GABRB1: variants seen among roughly 807,000 people sequenced by gnomAD.
GABRB1 encodes the protein gamma-aminobutyric acid receptor subunit beta-1.
In GABRB1, 17 loss-of-function variants were observed where a neutral mutation model predicts 51.6. The ratio of observed to expected loss-of-function variants is 0.33; its 90% confidence interval spans 0.23 to 0.49. GABRB1 has a LOEUF of 0.49. GABRB1 is among the 20% of genes least tolerant of loss of function. The pLI, the probability that GABRB1 is intolerant of heterozygous loss-of-function variation, is 0.99. For synonymous variants in GABRB1, 247 were observed against 218.9 expected (o/e 1.13, Z -1.14); for missense variants, 410 against 600.6 (o/e 0.68, Z 3.32).
intron 3 of GABRB1, among the ~76,000 whole-genome samples, chr4:47,109,596 G>T (rs908827075): frequency 1.3e-5 from 2 of 152,130 alleles, no homozygotes; most frequent in South Asian, 4.2e-4. Flanking sequence ...TGTAAGGCCT[G>T]AGGTATCAGA....
At chr4:47,357,533 G>C (rs143871062) in intron 5 of GABRB1, among the ~76,000 whole-genome samples, 1 of 152,154 alleles carries the variant, frequency 6.6e-6, no homozygotes, top group African/African-American at 2.4e-5. Context: ...ATGAAGCCAG[G>C]TTCCACGAAT....
chr4:47,195,467 A>AT (rs1719643349), intron 4 of GABRB1, among the ~76,000 whole-genome samples: 1 of 82,012 alleles, frequency 1.2e-5, no homozygotes, highest in Non-Finnish European at 2.6e-5. Flanking sequence ...TAGATGATAG[A>AT]TAGATAGATA....
intron 4 of GABRB1, among the ~76,000 whole-genome samples, chr4:47,306,488 A>G (rs1417081778): frequency 6.6e-6 from 1 of 151,116 alleles, no homozygotes; most frequent in Admixed American, 6.6e-5. Context: ...GGGAGAGAAA[A>G]AGGAAGAAAG....
At chr4:47,174,309 C>T (rs1324565535) in intron 4 of GABRB1, among the ~76,000 whole-genome samples, 2 of 152,166 alleles carry the variant, frequency 1.3e-5, no homozygotes, top group African/African-American at 4.8e-5. Context: ...TCAAGCAACC[C>T]TCCCTCCTGG....
At chr4:47,412,446 C>G (rs530727213) in intron 8 of GABRB1, among the ~76,000 whole-genome samples, 1 of 152,262 alleles carries the variant, frequency 6.6e-6, no homozygotes, top group South Asian at 2.1e-4. Flanking sequence ...CTGCTCCAGA[C>G]TGTCTTACTG....
chr4:47,034,740 A>C (rs1725477607), intron 3 of GABRB1, among the ~76,000 whole-genome samples: 1 of 152,186 alleles, frequency 6.6e-6, no homozygotes, highest in Non-Finnish European at 1.5e-5. Flanking sequence ...AAAAATGGAA[A>C]TAAAGAGTAA....
chr4:47,042,441 A>AT (rs369535271), intron 3 of GABRB1, among the ~76,000 whole-genome samples: 4,993 of 116,642 alleles, frequency 0.043, 185 homozygotes, highest in African/African-American at 0.072. Flanking sequence ...TATATATATA[A>AT]AATACGTGTG....
At chr4:47,312,857 T>C (rs556304010) in intron 4 of GABRB1, among the ~76,000 whole-genome samples, 4 of 152,138 alleles carry the variant, frequency 2.6e-5, no homozygotes, top group Non-Finnish European at 5.9e-5. Flanking sequence ...CACACGTGTG[T>C]ATTTGTGTGT....
chr4:47,075,463 A>G (rs1727504662), intron 3 of GABRB1, among the ~76,000 whole-genome samples: 2 of 151,780 alleles, frequency 1.3e-5, no homozygotes, highest in African/African-American at 4.9e-5. Context: ...GTCTGTCACA[A>G]TGGGTGACTC....
chr4:47,250,350 G>A (rs899038429), intron 4 of GABRB1, among the ~76,000 whole-genome samples: 2 of 152,084 alleles, frequency 1.3e-5, no homozygotes. Flanking sequence ...TCCTTTATAG[G>A]TTACCTGGAG....
In GABRB1 at chr4:47,038,949, CT is replaced by C. The variant is rs144565200; in HGVS notation, c.240+6469del. On this transcript the variant is annotated intron_variant, in intron 3 of 8. Transcript: ENST00000295454. ...ATAAACCATATGAGCACTGAAATTCCTTTTCCCAAAATACTTCTGTTTTCAG... is the reference window on the plus strand; with the variant it reads ...ATAAACCATATGAGCACTGAAATTCCTTTCCCAAAATACTTCTGTTTTCAG... Among the ~76,000 whole-genome samples, 1,210 of 152,182 alleles carry C rather than the reference CT, an allele frequency of 8.0e-3. 7 individuals carry two copies. Among genetic ancestry groups the C allele is most frequent in the Non-Finnish European group, 0.012 (798 of 67,982 alleles).
chr4:47,147,789 G>A (rs951324783), intron 3 of GABRB1, among the ~76,000 whole-genome samples: 4 of 152,096 alleles, frequency 2.6e-5, no homozygotes, highest in Non-Finnish European at 5.9e-5. Flanking sequence ...AGCAAGACAA[G>A]AGGTATGTTG....
intron 4 of GABRB1, among the ~76,000 whole-genome samples, chr4:47,289,714 T>C (rs1723652539): frequency 6.6e-6 from 1 of 152,218 alleles, no homozygotes; most frequent in African/African-American, 2.4e-5. Context: ...TTATTGGCCT[T>C]ACCTCCCTGT....
intron 3 of GABRB1, among the ~76,000 whole-genome samples, chr4:47,052,838 G>A (rs1156771114): frequency 4.6e-5 from 7 of 152,206 alleles, no homozygotes; most frequent in African/African-American, 1.4e-4. Context: ...ACTGAAAGAA[G>A]GCAACAGAAA....
chr4:47,000,807 A>G (rs1724155328), intron 1 of GABRB1, among the ~76,000 whole-genome samples: 1 of 152,216 alleles, frequency 6.6e-6, no homozygotes, highest in South Asian at 2.1e-4. Context: ...TCCCAAAGTA[A>G]GCATTTCAAG....
At chr4:47,091,472 G>A (rs1233869290) in intron 3 of GABRB1, among the ~76,000 whole-genome samples, 1 of 151,890 alleles carries the variant, frequency 6.6e-6, no homozygotes, top group Non-Finnish European at 1.5e-5. Flanking sequence ...ATTTAAAAAC[G>A]CTCACTAAAT....
At chr4:47,213,421 GCT>G (rs143821454) in intron 4 of GABRB1, among the ~76,000 whole-genome samples, 132 of 148,316 alleles carry the variant, frequency 8.9e-4, no homozygotes, top group Non-Finnish European at 1.1e-3. Context: ...TTTCACATTC[GCT>G]CTCTCTCTCT....
intron 5 of GABRB1, among the ~76,000 whole-genome samples, chr4:47,389,384 G>A (rs751584267): frequency 3.3e-5 from 5 of 152,110 alleles, no homozygotes; most frequent in Non-Finnish European, 7.3e-5. Context: ...ATTTGCAAGC[G>A]GGCTGCCAGT....
upstream of GABRB1, among the ~76,000 whole-genome samples, chr4:47,030,724 C>T (rs897335949): frequency 3.3e-5 from 5 of 152,174 alleles, no homozygotes; most frequent in African/African-American, 4.8e-5. Context: ...AACCTACTGG[C>T]GAACAGAGGT....
Sources: gnomAD v4.1 joint callset for allele counts (sites outside exome capture counted in the v4.1 genomes callset) on GRCh38, gnomAD v4.1.1 for gene constraint, MANE v1.5 for transcripts, NCBI Gene and HGNC (gene_info 2026-07-23, HGNC 2026-07-21) for gene names.